NOL10: variants seen among roughly 807,000 people sequenced by gnomAD.
NOL10 encodes the protein H_NH0074G24.1.
A neutral mutation model predicts 103.5 loss-of-function variants in NOL10; 58 were observed. That is an observed-to-expected ratio of 0.56 (90% CI 0.45 to 0.70). The LOEUF is 0.70. Among genes scored for constraint, NOL10 ranks in the 30% least tolerant of loss-of-function variants. The pLI is 0.00. For synonymous variants in NOL10, 287 were observed against 282.5 expected (o/e 1.02, Z -0.16); for missense variants, 763 against 807.3 (o/e 0.95, Z 0.67).
At chr2:10,634,614 A>G (rs1026175295) in intron 13 of NOL10, 1 of 456,548 alleles carries the variant, frequency 2.2e-6, no homozygotes, top group African/African-American at 2.0e-5. Flanking sequence ...AAGCCTAGTT[A>G]TATAAAGCCT....
chr2:10,645,702 T>C (rs1192107881), intron 12 of NOL10, among the ~76,000 whole-genome samples: 1 of 151,976 alleles, frequency 6.6e-6, no homozygotes, highest in East Asian at 1.9e-4. Context: ...GGCTAATTTT[T>C]TGTATTTTTA....
At chr2:10,683,074 T>C (rs1359256556) in intron 2 of NOL10, among the ~76,000 whole-genome samples, 1 of 152,194 alleles carries the variant, frequency 6.6e-6, no homozygotes, top group Non-Finnish European at 1.5e-5. Context: ...TAAGCCACTG[T>C]GCCTGACCCA....
chr2:10,671,547 C>A lies in NOL10; in HGVS notation c.464+7G>T. 1 of 1,593,674 alleles carries A rather than the reference C, an allele frequency of 6.3e-7. No homozygotes were observed. The highest frequency in any genetic ancestry group is 1.2e-5 in the South Asian group (1 of 86,008). On this transcript the variant is annotated splice_region_variant and intron_variant, in intron 6 of 20. Transcript: ENST00000381685. ...TGAAAAGGAGAAAAAGGGACTGGAT[C>A]CAATACCTTGCACCAACAAAGTACA...
chr2:10,575,778 T>C (rs1674421952), intron 20 of NOL10, among the ~76,000 whole-genome samples: 1 of 152,206 alleles, frequency 6.6e-6, no homozygotes, highest in Admixed American at 6.5e-5. Context: ...CCTTCCAGGC[T>C]GTGCTGCTCC....
intron 12 of NOL10, among the ~76,000 whole-genome samples, chr2:10,645,573 G>C (rs1391995732): frequency 7.1e-6 from 1 of 140,714 alleles, no homozygotes; most frequent in Admixed American, 7.4e-5. Context: ...TTGCTCTGTT[G>C]CCCAGGCTGG....
intron 13 of NOL10, among the ~76,000 whole-genome samples, chr2:10,619,009 G>A (rs1056218884): frequency 2.0e-5 from 3 of 152,168 alleles, no homozygotes; most frequent in African/African-American, 7.2e-5. Context: ...CGTACCTAAC[G>A]GAGGTTTATA....
chr2:10,657,986 G>A (rs1008475825), intron 10 of NOL10, 95 bp from the exon 11 acceptor site: 36 of 930,148 alleles, frequency 3.9e-5, no homozygotes, highest in Admixed American at 2.3e-4. Flanking sequence ...TTGCTTCATC[G>A]CTTTGTTATG....
At chr2:10,673,010 A>G (rs1473639665) in intron 5 of NOL10, among the ~76,000 whole-genome samples, 1 of 152,158 alleles carries the variant, frequency 6.6e-6, no homozygotes, top group African/African-American at 2.4e-5. Context: ...AAAAGAGTTG[A>G]AAGATGGACT....
At chr2:10,671,503 A>G (rs1680936482) in intron 6 of NOL10, 51 bp downstream of exon 6, 1 of 1,399,348 alleles carries the variant, frequency 7.1e-7, no homozygotes. Flanking sequence ...TAGGAACAGA[A>G]GTTGGTTGTT....
chr2:10,598,041 C>T (rs766265266), intron 17 of NOL10, among the ~76,000 whole-genome samples: 3 of 152,140 alleles, frequency 2.0e-5, no homozygotes, highest in Non-Finnish European at 4.4e-5. Context: ...TTGATTCGCA[C>T]GGTGCCAAAA....
intron 7 of NOL10, among the ~76,000 whole-genome samples, chr2:10,667,773 T>C (rs539758323): frequency 2.2e-4 from 33 of 152,246 alleles, no homozygotes; most frequent in African/African-American, 7.5e-4. Flanking sequence ...TTCAGCAGTA[T>C]CTGGGGTACA....
chr2:10,667,187 A>G, intron 8 of NOL10, 31 bp downstream of exon 8: 1 of 1,494,930 alleles, frequency 6.7e-7, no homozygotes, highest in South Asian at 1.2e-5. Context: ...TAAAACAAAT[A>G]TTCTAAAAAA....
At chr2:10,577,337 G>A (rs1392266801) in intron 20 of NOL10, among the ~76,000 whole-genome samples, 1 of 152,160 alleles carries the variant, frequency 6.6e-6, no homozygotes, top group African/African-American at 2.4e-5. Flanking sequence ...CGCACCTGAG[G>A]CTACAGAGCA....
chr2:10,622,761 C>T (rs1677222276), intron 13 of NOL10, among the ~76,000 whole-genome samples: 1 of 152,078 alleles, frequency 6.6e-6, no homozygotes, highest in Admixed American at 6.5e-5. Flanking sequence ...GAACCTAACT[C>T]ATAACCTTTG....
intron 8 of NOL10, among the ~76,000 whole-genome samples, chr2:10,666,268 T>TAA (rs918738880): frequency 2.0e-5 from 3 of 148,330 alleles, no homozygotes; most frequent in Non-Finnish European, 4.5e-5. Flanking sequence ...ATAATTTGAG[T>TAA]AAAAAAAAAA....
At chr2:10,651,261 G>C (rs1572377895) in intron 12 of NOL10, among the ~76,000 whole-genome samples, 1 of 152,046 alleles carries the variant, frequency 6.6e-6, no homozygotes, top group African/African-American at 2.4e-5. Flanking sequence ...AGCCTACCAG[G>C]CTCAACAATC....
chr2:10,686,791 C>T (rs560203189), intron 1 of NOL10, among the ~76,000 whole-genome samples: 8 of 147,456 alleles, frequency 5.4e-5, no homozygotes, highest in African/African-American at 2.0e-4. Flanking sequence ...CAACAGCTTG[C>T]GGGATGGAGT....
chr2:10,587,160 C>CATATATACACATATATATACACAT (rs1479986060), intron 19 of NOL10, among the ~76,000 whole-genome samples: 1 of 22,716 alleles, frequency 4.4e-5, no homozygotes, highest in South Asian at 8.9e-4. Context: ...CATATATACA[C>CATATATACACATATATATACACAT]ATATATACAC....
intron 13 of NOL10, among the ~76,000 whole-genome samples, chr2:10,637,212 A>C (rs7591583): frequency 0.039 from 5,271 of 134,600 alleles, 94 homozygotes; most frequent in East Asian, 0.2. Context: ...AAAAAAAAAA[A>C]ACACACACAC....
Sources: gnomAD v4.1 joint callset for allele counts (sites outside exome capture counted in the v4.1 genomes callset) on GRCh38, gnomAD v4.1.1 for gene constraint, MANE v1.5 for transcripts, NCBI Gene and HGNC (gene_info 2026-07-23, HGNC 2026-07-21) for gene names.